Variants in NELL2 observed in about 807,000 individuals in gnomAD.
NELL2 encodes neural EGFL like 2.
A neutral mutation model predicts 109.6 loss-of-function variants in NELL2; 41 were observed. The ratio of observed to expected loss-of-function variants is 0.37; its 90% confidence interval spans 0.29 to 0.49. The LOEUF (loss-of-function observed/expected upper bound fraction) is 0.49, where lower values mean the gene tolerates loss of function less well. Among genes scored for constraint, NELL2 ranks in the 20% least tolerant of loss-of-function variants. The pLI is 0.98. For synonymous variants in NELL2, 355 were observed against 344.7 expected (o/e 1.03, Z -0.33); for missense variants, 900 against 1,008.3 (o/e 0.89, Z 1.45).
intron 16 of NELL2, among the ~76,000 whole-genome samples, chr12:44,525,672 A>G (rs1565872635): frequency 6.6e-6 from 1 of 152,204 alleles, no homozygotes; most frequent in Non-Finnish European, 1.5e-5. Context: ...AACTTTAAAA[A>G]TATTGATAAC....
intron 15 of NELL2, among the ~76,000 whole-genome samples, chr12:44,557,609 T>C (rs1414006544): frequency 6.6e-6 from 1 of 152,230 alleles, no homozygotes; most frequent in Non-Finnish European, 1.5e-5. Flanking sequence ...AAGATCACTT[T>C]AGACTACGTT....
intron 15 of NELL2, among the ~76,000 whole-genome samples, chr12:44,533,641 T>A (rs1439780386): frequency 6.6e-6 from 1 of 152,122 alleles, no homozygotes; most frequent in Non-Finnish European, 1.5e-5. Context: ...TATTCCTAAA[T>A]ATTGAAAGCC....
intron 9 of NELL2, among the ~76,000 whole-genome samples, chr12:44,720,715 A>G (rs984180474): frequency 1.3e-5 from 2 of 152,214 alleles, no homozygotes; most frequent in East Asian, 1.9e-4. Context: ...TCACAAATTC[A>G]TGAATTAGAC....
chr12:44,600,425 C>CA (rs1001843364), intron 15 of NELL2, among the ~76,000 whole-genome samples: 4 of 151,676 alleles, frequency 2.6e-5, no homozygotes, highest in African/African-American at 7.3e-5. Flanking sequence ...GAATAGAATG[C>CA]AAAAAACAAA....
intron 1 of NELL2, among the ~76,000 whole-genome samples, chr12:44,909,406 C>T (rs1450146409): frequency 7.2e-6 from 1 of 138,850 alleles, no homozygotes; most frequent in Non-Finnish European, 1.6e-5. Flanking sequence ...AGGAGAATGA[C>T]AAAAAAAAAA....
chr12:44,867,327 T>C (rs1592680289), intron 2 of NELL2, among the ~76,000 whole-genome samples: 1 of 152,124 alleles, frequency 6.6e-6, no homozygotes, highest in African/African-American at 2.4e-5. Context: ...TGGCTCAACA[T>C]ACACAAATCT....
chr12:44,711,273 C>T lies in NELL2; in HGVS notation c.1189+19G>A, dbSNP rs1382098985. The stretch of plus-strand genomic sequence containing the variant: ...TAATAACTCTTGCACGTAAACCTTA[C>T]TTTTCAAAAAAGTCTTACCTTTACA... On this transcript the variant is annotated intron_variant, in intron 11 of 19. Transcript: ENST00000429094. 2 of 1,586,652 alleles carry T rather than the reference C, an allele frequency of 1.3e-6. No individual in the cohort carries two copies. The highest frequency in any genetic ancestry group is 1.7e-6 in the Non-Finnish European group (2 of 1,155,698).
Position 44,764,360 on chromosome 12 carries a change from A to G in NELL2, c.994+10387T>C, listed in dbSNP as rs1183929349. On this transcript the variant is annotated intron_variant, in intron 9 of 19. Transcript: ENST00000429094. ...ATGTATGAAGTCTTACAAAGTAATG[A>G]AAAGTTATGCTTTCAATAATAGGCA... Among the ~76,000 whole-genome samples the G allele has an allele frequency of 2.0e-5, 3 of 152,288 alleles. No homozygotes were observed. In the East Asian group the frequency reaches 5.8e-4, roughly 29 times the overall value.
At chr12:44,717,266 T>C (rs1198868226) in intron 9 of NELL2, among the ~76,000 whole-genome samples, 1 of 152,152 alleles carries the variant, frequency 6.6e-6, no homozygotes, top group Non-Finnish European at 1.5e-5. Context: ...ATCATAAAAA[T>C]GCCATTAGAA....
Position 44,714,748 on chromosome 12 carries a change from A to G in NELL2, c.995-7T>C. On this transcript the variant is annotated splice_polypyrimidine_tract_variant and splice_region_variant and intron_variant, in intron 9 of 19. Transcript: ENST00000429094. ...CCTTGAAATTGGCATATCGCTTTGG[A>G]GTAAAAAATACATATATATTTATTT... 6.5e-7 allele frequency: 1 copy of G among 1,548,744 alleles called. No individual in the cohort carries two copies. Among genetic ancestry groups the G allele is most frequent in the Non-Finnish European group, 8.8e-7 (1 of 1,137,940 alleles).
chr12:44,705,016 CA>C (rs11380443), intron 11 of NELL2, among the ~76,000 whole-genome samples: 40,782 of 103,144 alleles, frequency 0.4, 7,119 homozygotes, highest in South Asian at 0.49. Context: ...AGGACTCCAT[CA>C]AAAAAAAAAA....
At chr12:44,603,676 C>G (rs2136241864) in intron 15 of NELL2, among the ~76,000 whole-genome samples, 1 of 152,168 alleles carries the variant, frequency 6.6e-6, no homozygotes, top group Non-Finnish European at 1.5e-5. Flanking sequence ...AAAAGAAGTC[C>G]ATAAAAAATT....
intron 2 of NELL2, among the ~76,000 whole-genome samples, chr12:44,854,313 T>A (rs931850711): frequency 6.6e-6 from 1 of 152,134 alleles, no homozygotes; most frequent in East Asian, 1.9e-4. Flanking sequence ...TACATATTTA[T>A]AAAACAGATA....
At chr12:44,879,012 G>A (rs1458928663), upstream of NELL2, among the ~76,000 whole-genome samples, 2 of 152,128 alleles carry the variant, frequency 1.3e-5, no homozygotes, top group Admixed American at 6.5e-5. Flanking sequence ...GATTATCTGG[G>A]TATGCCCAAT....
chr12:44,658,894 A>G lies in NELL2; in HGVS notation c.1444+6590T>C, dbSNP rs545757168. On this transcript the variant is annotated intron_variant, in intron 13 of 19. Coordinates refer to ENST00000429094, the MANE Select transcript of NELL2 (RefSeq NM_001145108.2). ...TCTGTCTCCAAAAAAAAAAAAAAAA[A>G]AAAAAGAAAAGAAAAAGAACAAAGT... Among the ~76,000 whole-genome samples the G allele has an allele frequency of 1.7e-4, 26 of 150,930 alleles. No individual in the cohort carries two copies. The East Asian group carries it at 3.9e-3, about 23-fold the overall frequency.
chr12:44,561,934 A>G (rs1446243284), intron 15 of NELL2, among the ~76,000 whole-genome samples: 1 of 152,264 alleles, frequency 6.6e-6, no homozygotes, highest in Non-Finnish European at 1.5e-5. Flanking sequence ...ACAAGACTAC[A>G]GTAACCAAAA....
intron 12 of NELL2, among the ~76,000 whole-genome samples, chr12:44,678,317 C>A (rs377080330): frequency 1.7e-4 from 26 of 152,056 alleles, no homozygotes; most frequent in African/African-American, 5.5e-4. Context: ...CTGGTACTAC[C>A]AAATGGGAGC....
intron 1 of NELL2, among the ~76,000 whole-genome samples, chr12:44,897,824 T>C (rs528422249): frequency 1.4e-4 from 21 of 151,972 alleles, no homozygotes; most frequent in Admixed American, 1.2e-3. Flanking sequence ...ACTTGCTCAG[T>C]GGATCCCACC....
intron 15 of NELL2, among the ~76,000 whole-genome samples, chr12:44,553,961 T>C (rs1375117717): frequency 6.6e-6 from 1 of 152,130 alleles, no homozygotes; most frequent in African/African-American, 2.4e-5. Context: ...AAAGCGCAAA[T>C]ATTTTAGGGC....
Sources: gnomAD v4.1 joint callset for allele counts (sites outside exome capture counted in the v4.1 genomes callset) on GRCh38, gnomAD v4.1.1 for gene constraint, MANE v1.5 for transcripts, NCBI Gene and HGNC (gene_info 2026-07-23, HGNC 2026-07-21) for gene names.